SYT14: variants seen among roughly 807,000 people sequenced by gnomAD.
SYT14 encodes synaptotagmin-14.
Under a neutral mutation model 74.2 loss-of-function variants are expected in SYT14, and 32 were observed. That is an observed-to-expected ratio of 0.43 (90% confidence interval 0.33 to 0.58). The LOEUF (loss-of-function observed/expected upper bound fraction) is 0.58. SYT14 is among the 20% of genes least tolerant of loss of function. The pLI is 0.05. For synonymous variants in SYT14, 298 were observed against 337.7 expected (o/e 0.88, Z 1.29); for missense variants, 791 against 981.8 (o/e 0.81, Z 2.60).
At position 209,986,971 on chromosome 1, in the gene SYT14, A is replaced by G. The variant is rs182707022; in HGVS notation, c.-485-26662A>G. ...ACACAGATCCCTAGGACATGAACAC[A>G]ATGCAACCAAGCTCTTTGTTAAGGC... On this transcript the variant is annotated intron_variant, in intron 2 of 9. Transcript: ENST00000637265. 9.2e-5 allele frequency among the ~76,000 whole-genome samples: 14 copies of G among 152,276 alleles called. No homozygotes were observed. In the East Asian group the frequency reaches 2.3e-3, roughly 25 times the overall value.
intron 1 of SYT14, among the ~76,000 whole-genome samples, chr1:209,946,080 A>G (rs758728211): frequency 2.0e-5 from 3 of 152,228 alleles, no homozygotes; most frequent in Non-Finnish European, 4.4e-5. Flanking sequence ...AGCCATGCCA[A>G]TATAAGATGG....
intron 7 of SYT14, among the ~76,000 whole-genome samples, chr1:210,148,370 G>A (rs945477159): frequency 1.8e-4 from 27 of 152,078 alleles, no homozygotes; most frequent in Admixed American, 1.6e-3. Context: ...TTAGCCGGGC[G>A]TGGTGGCGGG....
chr1:210,059,447 T>TAGAGAG (rs1466056446), intron 5 of SYT14, among the ~76,000 whole-genome samples: 572 of 94,636 alleles, frequency 6.0e-3, no homozygotes, highest in East Asian at 0.013. Context: ...TATATATATA[T>TAGAGAG]ATATAGAGAG....
At chr1:210,128,113 C>G (rs146920790) in intron 7 of SYT14, among the ~76,000 whole-genome samples, 1 of 152,274 alleles carries the variant, frequency 6.6e-6, no homozygotes, top group East Asian at 1.9e-4. Context: ...TGGCTCACGC[C>G]TGTAATCCCA....
intron 5 of SYT14, among the ~76,000 whole-genome samples, chr1:210,036,211 C>T (rs547750785): frequency 7.9e-5 from 12 of 151,736 alleles, no homozygotes; most frequent in African/African-American, 2.9e-4. Context: ...ATGGAATTGC[C>T]GTCCTGATTT....
intron 2 of SYT14, among the ~76,000 whole-genome samples, chr1:209,975,658 A>T (rs1043175570): frequency 1.3e-5 from 2 of 152,140 alleles, no homozygotes; most frequent in Non-Finnish European, 2.9e-5. Flanking sequence ...TATTGGTCTA[A>T]AATTCTCTTT....
At chr1:209,955,594 C>T (rs543437701) in intron 2 of SYT14, among the ~76,000 whole-genome samples, 18 of 152,082 alleles carry the variant, frequency 1.2e-4, no homozygotes, top group African/African-American at 4.1e-4. Context: ...GCATTTTTAT[C>T]TCCTTTCACT....
At chr1:209,992,527 A>G (rs910379791) in intron 2 of SYT14, among the ~76,000 whole-genome samples, 1 of 152,180 alleles carries the variant, frequency 6.6e-6, no homozygotes, top group African/African-American at 2.4e-5. Context: ...TTGGCAACTC[A>G]GTAGGATGGA....
chr1:209,981,973 T>C (rs1193542285), intron 2 of SYT14, among the ~76,000 whole-genome samples: 1 of 151,992 alleles, frequency 6.6e-6, no homozygotes, highest in African/African-American at 2.4e-5. Context: ...CTATAGTATC[T>C]TGTAGGTGTT....
At chr1:210,058,246 C>T (rs1188861244) in intron 5 of SYT14, among the ~76,000 whole-genome samples, 1 of 152,110 alleles carries the variant, frequency 6.6e-6, no homozygotes, top group African/African-American at 2.4e-5. Context: ...TTATTGCTCC[C>T]AAATATCAGT....
chr1:210,109,062 G>A (rs770065071), intron 7 of SYT14, among the ~76,000 whole-genome samples: 3 of 152,008 alleles, frequency 2.0e-5, no homozygotes, highest in Non-Finnish European at 4.4e-5. Context: ...AGATGATGAC[G>A]GAAGTTGAAG....
chr1:210,012,117 G>T (rs1019524127), intron 2 of SYT14, among the ~76,000 whole-genome samples: 1 of 152,068 alleles, frequency 6.6e-6, no homozygotes, highest in African/African-American at 2.4e-5. Flanking sequence ...CTGTCTCTGG[G>T]CTTTTGCAGA....
intron 5 of SYT14, among the ~76,000 whole-genome samples, chr1:210,060,247 T>C (rs1279567888): frequency 1.3e-5 from 2 of 152,118 alleles, no homozygotes; most frequent in Non-Finnish European, 2.9e-5. Context: ...TTTGCACAAA[T>C]GTTAAGGTTA....
chr1:210,134,595 C>T (rs925504341), intron 7 of SYT14, among the ~76,000 whole-genome samples: 2 of 152,152 alleles, frequency 1.3e-5, no homozygotes, highest in Admixed American at 1.3e-4. Context: ...TTTTCACATA[C>T]AGTATACCTT....
At chr1:210,008,267 T>G (rs227216) in intron 2 of SYT14, among the ~76,000 whole-genome samples, 86,834 of 152,086 alleles carry the variant, frequency 0.57, 26,965 homozygotes, top group African/African-American at 0.82. Context: ...ATGGGAAAAC[T>G]TGCATTAGTG....
At chr1:209,953,007 A>G (rs1335660323) in intron 2 of SYT14, 5 of 1,428,926 alleles carry the variant, frequency 3.5e-6, no homozygotes, top group Non-Finnish European at 4.6e-6. Flanking sequence ...GTTGTTAGAC[A>G]TGGTGAAGAG....
chr1:210,045,994 T>G (rs1172486666), intron 5 of SYT14, among the ~76,000 whole-genome samples: 3 of 152,214 alleles, frequency 2.0e-5, no homozygotes, highest in Non-Finnish European at 4.4e-5. Flanking sequence ...GAAAATTACT[T>G]TATCTTAATA....
chr1:210,041,196 A>G (rs2080782140), intron 5 of SYT14, among the ~76,000 whole-genome samples: 2 of 152,222 alleles, frequency 1.3e-5, no homozygotes, highest in Admixed American at 1.3e-4. Context: ...GATAGGGCCT[A>G]GAGAACTGGT....
intron 2 of SYT14, among the ~76,000 whole-genome samples, chr1:210,002,338 A>C (rs2079916669): frequency 6.6e-6 from 1 of 151,822 alleles, no homozygotes; most frequent in South Asian, 2.1e-4. Flanking sequence ...TTTACCACCT[A>C]AGTACACATC....
Sources: allele counts gnomAD v4.1 joint callset (sites outside exome capture counted in the v4.1 genomes callset), GRCh38; gene constraint gnomAD v4.1.1; transcripts MANE v1.5; gene names NCBI Gene and HGNC (gene_info 2026-07-23, HGNC 2026-07-21).